The following NOL4 variants were observed in gnomAD, a reference collection of about 807,000 sequenced individuals.
NOL4 encodes nucleolar protein 4.
NOL4 carries 17 observed loss-of-function variants against 75.9 expected under a neutral mutation model. The observed-to-expected ratio is 0.22, with a 90% CI of 0.15 to 0.34. NOL4 has a LOEUF of 0.34. NOL4 is among the 10% of genes least tolerant of loss of function. NOL4 has a pLI of 1.00. For missense variants in NOL4, 614 were observed against 793.5 expected, an observed-to-expected ratio of 0.77 and a Z score of 2.72; for synonymous variants, 292 against 289.9, an observed-to-expected ratio of 1.01 and a Z score of -0.07.
chr18:33,986,530 G>C (rs926219233), intron 6 of NOL4, among the ~76,000 whole-genome samples: 2 of 152,048 alleles, frequency 1.3e-5, no homozygotes, highest in African/African-American at 4.8e-5. Context: ...ACAAAGAATG[G>C]TTTAAAACTC....
intron 1 of NOL4, among the ~76,000 whole-genome samples, chr18:34,160,720 G>A (rs2031332801): frequency 6.6e-6 from 1 of 151,972 alleles, no homozygotes; most frequent in African/African-American, 2.4e-5. Context: ...ATATTTATGG[G>A]GTTCGGTGTG....
intron 9 of NOL4, among the ~76,000 whole-genome samples, chr18:33,901,837 T>A (rs2065764400): frequency 4.6e-5 from 7 of 151,912 alleles, no homozygotes; most frequent in Admixed American, 4.6e-4. Context: ...AAAAATAAAT[T>A]TAGGTGATAT....
chr18:33,971,080 A>G (rs944648597), intron 6 of NOL4, among the ~76,000 whole-genome samples: 4 of 152,210 alleles, frequency 2.6e-5, no homozygotes, highest in African/African-American at 7.2e-5. Context: ...TGTATTTTAC[A>G]TGTATAATAA....
At chr18:33,904,746 T>C (rs973405644) in intron 9 of NOL4, among the ~76,000 whole-genome samples, 14 of 152,128 alleles carry the variant, frequency 9.2e-5, no homozygotes, top group African/African-American at 2.7e-4. Flanking sequence ...CATATCCCCA[T>C]AGGAGTCCCA....
chr18:33,961,271 A>G (rs1208399395), intron 6 of NOL4, among the ~76,000 whole-genome samples: 1 of 152,026 alleles, frequency 6.6e-6, no homozygotes, highest in African/African-American at 2.4e-5. Flanking sequence ...TGGCAGTGGA[A>G]GTGGTGGATT....
chr18:33,947,670 T>G (rs776813808), intron 8 of NOL4, among the ~76,000 whole-genome samples: 1 of 151,878 alleles, frequency 6.6e-6, no homozygotes, highest in African/African-American at 2.4e-5. Flanking sequence ...GAATATTTAT[T>G]ACATATTTAT....
intron 6 of NOL4, among the ~76,000 whole-genome samples, chr18:33,959,354 C>T (rs2069914497): frequency 6.6e-6 from 1 of 152,030 alleles, no homozygotes; most frequent in Non-Finnish European, 1.5e-5. Flanking sequence ...TGGGATTACA[C>T]TTATTCCAAA....
At chr18:33,985,517 T>C (rs2072364166) in intron 6 of NOL4, among the ~76,000 whole-genome samples, 3 of 152,150 alleles carry the variant, frequency 2.0e-5, no homozygotes, top group African/African-American at 7.2e-5. Context: ...TCACTTTTGC[T>C]TACCAATGAT....
chr18:34,110,208 T>C (rs1321813637), intron 2 of NOL4, among the ~76,000 whole-genome samples: 1 of 146,862 alleles, frequency 6.8e-6, no homozygotes, highest in African/African-American at 2.5e-5. Context: ...CAGCATTACC[T>C]TGATACCAAA....
intron 10 of NOL4, among the ~76,000 whole-genome samples, chr18:33,858,830 T>C (rs1201867407): frequency 6.6e-6 from 1 of 152,202 alleles, no homozygotes; most frequent in East Asian, 1.9e-4. Flanking sequence ...ATTTTTATAA[T>C]ACTGATTCAG....
chr18:33,928,723 C>T (rs1049751537), intron 9 of NOL4, among the ~76,000 whole-genome samples: 2 of 151,852 alleles, frequency 1.3e-5, no homozygotes, highest in Admixed American at 1.3e-4. Flanking sequence ...TTGATGAAAA[C>T]AATAATGTCT....
intron 9 of NOL4, among the ~76,000 whole-genome samples, chr18:33,906,121 G>T (rs2066030183): frequency 6.6e-6 from 1 of 152,186 alleles, no homozygotes; most frequent in Non-Finnish European, 1.5e-5. Context: ...ATAGTTGAAA[G>T]CAAATAACAG....
At chr18:33,886,573 T>C (rs2064671766) in intron 9 of NOL4, among the ~76,000 whole-genome samples, 1 of 150,494 alleles carries the variant, frequency 6.6e-6, no homozygotes, top group African/African-American at 2.4e-5. Flanking sequence ...TTAACTATTA[T>C]TTGATAGTGC....
At chr18:33,861,540 T>A (rs2063132915) in intron 10 of NOL4, among the ~76,000 whole-genome samples, 1 of 152,106 alleles carries the variant, frequency 6.6e-6, no homozygotes, top group Non-Finnish European at 1.5e-5. Context: ...TCTTTATTAG[T>A]CTTGCTAGCA....
At chr18:33,970,148 T>A (rs2070935677) in intron 6 of NOL4, among the ~76,000 whole-genome samples, 1 of 152,152 alleles carries the variant, frequency 6.6e-6, no homozygotes, top group African/African-American at 2.4e-5. Flanking sequence ...TTTTGTTTGA[T>A]TTACATGTAA....
intron 2 of NOL4, among the ~76,000 whole-genome samples, chr18:34,113,611 T>TG (rs1413489980): frequency 6.6e-6 from 1 of 151,784 alleles, no homozygotes; most frequent in Non-Finnish European, 1.5e-5. Context: ...CACTCCAGCC[T>TG]GGGTAGCAGG....
intron 1 of NOL4, among the ~76,000 whole-genome samples, chr18:34,179,037 A>G (rs968047608): frequency 2.0e-5 from 3 of 151,654 alleles, no homozygotes; most frequent in Admixed American, 2.0e-4. Flanking sequence ...AACAACATAA[A>G]TCAATTTGGA....
chr18:33,934,108 CTA>C (rs1234394785), intron 9 of NOL4, among the ~76,000 whole-genome samples: 9 of 152,170 alleles, frequency 5.9e-5, no homozygotes, highest in Middle Eastern at 3.4e-3. Flanking sequence ...TCTTGGGTGA[CTA>C]AGTGCATTGT....
At chr18:34,021,588 G>C (rs1234460076) in intron 5 of NOL4, among the ~76,000 whole-genome samples, 4 of 152,164 alleles carry the variant, frequency 2.6e-5, no homozygotes, top group Admixed American at 6.6e-5. Flanking sequence ...ATTTCAAATA[G>C]ACTATTCTGA....
Sources: gnomAD v4.1 joint callset for allele counts (sites outside exome capture counted in the v4.1 genomes callset) on GRCh38, gnomAD v4.1.1 for gene constraint, MANE v1.5 for transcripts, NCBI Gene and HGNC (gene_info 2026-07-23, HGNC 2026-07-21) for gene names.